ARID5B: variants seen among roughly 807,000 people sequenced by gnomAD.
ARID5B encodes the protein AT-rich interaction domain 5B, also known as AT-rich interactive domain-containing protein 5B.
Under a neutral mutation model 97.2 loss-of-function variants are expected in ARID5B, and 13 were observed. That is an observed-to-expected ratio of 0.13 (90% CI 0.09 to 0.21). ARID5B has a LOEUF of 0.21. Among genes scored for constraint, ARID5B ranks in the 10% least tolerant of loss-of-function variants. The probability of loss-of-function intolerance (pLI) is 1.00; values close to 1 mark genes in which losing one functional copy is unlikely to be tolerated. For missense variants in ARID5B, 1,210 were observed against 1,465.3 expected (o/e 0.83, Z 2.84); for synonymous variants, 556 against 570.3 (o/e 0.97, Z 0.36).
At chr10:62,060,608 A>G (rs1011320940) in intron 7 of ARID5B, among the ~76,000 whole-genome samples, 3 of 152,174 alleles carry the variant, frequency 2.0e-5, no homozygotes, top group Non-Finnish European at 1.5e-5. Context: ...CTCATAGTTT[A>G]TGGCAAAATC....
rs1276089804 is a variant in ARID5B, at chr10:61,997,862, TAGCTGTATAAAA to T, written c.503-2225_503-2214del. Among the ~76,000 whole-genome samples the T allele has an allele frequency of 2.6e-5, 4 of 152,388 alleles. No homozygotes were observed. In the South Asian group the frequency reaches 8.3e-4, roughly 32 times the overall value. ...ATTTTCACTAAAACTTTTTGTGCTT[TAGCTGTATAAAA>T]AGCACGGTTTTGAACCCAAAGTTTG... On this transcript the variant is annotated intron_variant, in intron 3 of 9. Coordinates refer to ENST00000279873, the MANE Select transcript of ARID5B (RefSeq NM_032199.3).
chr10:62,011,776 G>A (rs984045692), intron 4 of ARID5B, among the ~76,000 whole-genome samples: 1 of 152,218 alleles, frequency 6.6e-6, no homozygotes, highest in Non-Finnish European at 1.5e-5. Flanking sequence ...TGAGTCTGTG[G>A]CTACACGTTA....
intron 4 of ARID5B, among the ~76,000 whole-genome samples, chr10:62,009,743 A>G (rs1333998879): frequency 6.6e-6 from 1 of 152,202 alleles, no homozygotes; most frequent in Non-Finnish European, 1.5e-5. Context: ...GCCATATAAC[A>G]GACACTACGA....
chr10:62,046,683 A>AG (rs1449131709), intron 4 of ARID5B: 17 of 152,120 alleles, frequency 1.1e-4, no homozygotes, highest in African/African-American at 3.9e-4. Context: ...CAGAGGGGAA[A>AG]GATTTTTTTT....
intron 4 of ARID5B, among the ~76,000 whole-genome samples, chr10:62,022,562 T>C (rs1183425252): frequency 1.3e-5 from 2 of 152,196 alleles, no homozygotes; most frequent in African/African-American, 4.8e-5. Context: ...TGCTTTTCCT[T>C]TTTCCTTTTT....
chr10:61,953,385 C>T (rs1446391929), intron 3 of ARID5B, among the ~76,000 whole-genome samples: 1 of 152,016 alleles, frequency 6.6e-6, no homozygotes, highest in African/African-American at 2.4e-5. Context: ...TTAACTATCA[C>T]GTGATGGCTG....
chr10:62,050,694 G>A (rs141216115), intron 4 of ARID5B, among the ~76,000 whole-genome samples, 194 bp from the exon 5 acceptor site: 1 of 152,144 alleles, frequency 6.6e-6, no homozygotes, highest in Admixed American at 6.5e-5. Flanking sequence ...TTTGGGAAAC[G>A]TGTACAGAAA....
At chr10:62,016,078 G>T (rs778545025) in intron 4 of ARID5B, among the ~76,000 whole-genome samples, 1 of 152,174 alleles carries the variant, frequency 6.6e-6, no homozygotes, top group Non-Finnish European at 1.5e-5. Context: ...ATCACTGTAC[G>T]TAGCTGGCTC....
At chr10:62,039,379 G>A (rs1383343085) in intron 4 of ARID5B, among the ~76,000 whole-genome samples, 1 of 152,210 alleles carries the variant, frequency 6.6e-6, no homozygotes, top group Non-Finnish European at 1.5e-5. Context: ...TGCCTTAAAT[G>A]CTACAGCAAC....
At chr10:62,052,999 A>T (rs747580622) in intron 5 of ARID5B, among the ~76,000 whole-genome samples, 31 of 152,210 alleles carry the variant, frequency 2.0e-4, no homozygotes, top group Admixed American at 3.9e-4. Context: ...GTAGGTATGA[A>T]GTGTGACGAG....
chr10:62,019,645 G>A (rs1839328925), intron 4 of ARID5B, among the ~76,000 whole-genome samples: 1 of 152,166 alleles, frequency 6.6e-6, no homozygotes, highest in African/African-American at 2.4e-5. Context: ...AGCACTTGAG[G>A]CTGTCTTTCA....
intron 4 of ARID5B, among the ~76,000 whole-genome samples, chr10:62,030,795 C>T (rs149062179): frequency 2.0e-5 from 3 of 152,162 alleles, no homozygotes; most frequent in African/African-American, 7.2e-5. Context: ...CTAGCAACCA[C>T]GAAGAAGTGT....
intron 3 of ARID5B, among the ~76,000 whole-genome samples, chr10:61,982,784 G>A (rs1029752995): frequency 6.6e-6 from 1 of 152,190 alleles, no homozygotes; most frequent in Admixed American, 6.5e-5. Flanking sequence ...AACACTGGAA[G>A]CCCCTTGCTT....
At chr10:61,964,324 C>T (rs1838514699) in intron 3 of ARID5B, among the ~76,000 whole-genome samples, 2 of 152,218 alleles carry the variant, frequency 1.3e-5, no homozygotes, top group Admixed American at 6.5e-5. Context: ...CCTGCAGGGA[C>T]GTCTCTCAGT....
intron 5 of ARID5B, among the ~76,000 whole-genome samples, chr10:62,052,976 A>G (rs1839810798): frequency 6.6e-6 from 1 of 152,222 alleles, no homozygotes; most frequent in Non-Finnish European, 1.5e-5. Context: ...AGACCACTTA[A>G]GCAAAAAGAT....
At chr10:62,005,912 A>G (rs922742154) in intron 4 of ARID5B, among the ~76,000 whole-genome samples, 3 of 152,272 alleles carry the variant, frequency 2.0e-5, no homozygotes, top group South Asian at 4.1e-4. Context: ...TCGATGACCA[A>G]ATGGCTTTGT....
In ARID5B at chr10:61,920,478, G is replaced by A. The variant is rs192497272; in HGVS notation, c.276+18065G>A. ...CTCCTGAGTAGCTGGGATTACAGGC[G>A]TGTGCCACCATGCCTGACTAATTTT... On this transcript the variant is annotated intron_variant, in intron 2 of 9. Coordinates refer to ENST00000279873, the MANE Select transcript of ARID5B (RefSeq NM_032199.3). Among the ~76,000 whole-genome samples, 792 of 152,112 alleles carry A rather than the reference G, an allele frequency of 5.2e-3. 6 individuals carry two copies. The highest frequency in any genetic ancestry group is 9.8e-3 in the Non-Finnish European group (669 of 68,002).
chr10:61,995,188 AG>A (rs1838979607), intron 3 of ARID5B, among the ~76,000 whole-genome samples: 2 of 152,228 alleles, frequency 1.3e-5, no homozygotes, highest in South Asian at 4.1e-4. Flanking sequence ...TCTGTGTTCC[AG>A]GAACACTTTG....
intron 2 of ARID5B, among the ~76,000 whole-genome samples, chr10:61,936,361 T>C (rs1844299523): frequency 6.6e-6 from 1 of 152,242 alleles, no homozygotes; most frequent in Non-Finnish European, 1.5e-5. Context: ...CTCACGCCTG[T>C]AATCCCAGCG....
Sources: gnomAD v4.1 joint callset for allele counts (sites outside exome capture counted in the v4.1 genomes callset) on GRCh38, gnomAD v4.1.1 for gene constraint, MANE v1.5 for transcripts, NCBI Gene and HGNC (gene_info 2026-07-23, HGNC 2026-07-21) for gene names.